The following MYBPC3 variants were observed in gnomAD, a reference collection of about 807,000 sequenced individuals.
MYBPC3 encodes the protein myosin binding protein C3, also known as myosin-binding protein C, cardiac-type.
MYBPC3 carries 108 observed loss-of-function variants against 159.3 expected under a neutral mutation model. The ratio of observed to expected loss-of-function variants is 0.68; its 90% CI spans 0.58 to 0.80. The LOEUF is 0.80. Among genes scored for constraint, MYBPC3 ranks in the 30% least tolerant of loss-of-function variants. The probability of loss-of-function intolerance (pLI) is 0.00; values close to 1 mark genes in which losing one functional copy is unlikely to be tolerated. For synonymous variants in MYBPC3, 730 were observed against 702.0 expected (o/e 1.04, Z -0.63); for missense variants, 1,631 against 1,762.1 (o/e 0.93, Z 1.33).
rs540988604 is a variant in MYBPC3, at chr11:47,337,492, C to A, written c.2501G>T (p.Arg834Leu). The A allele has an allele frequency of 6.2e-7, 1 of 1,614,012 alleles. No homozygotes were observed. The highest frequency in any genetic ancestry group is 1.1e-5 in the South Asian group (1 of 91,088). Residue 834 changes from arginine to leucine, a missense_variant, in exon 25 of 35, where the codon CGG becomes CTG. Physicochemically the swap from Arg to Leu is moderately radical, Grantham distance 102. Coordinates refer to ENST00000545968, the MANE Select transcript of MYBPC3 (RefSeq NM_000256.3). The stretch of plus-strand genomic sequence containing the variant: ...GTACACCACGCCCTCGATCATGCGC[C>A]GCGCTTCATGACTCAGCTCCTGAAT... ...DLIQELSHEA[R>L]RMIEGVVYEM...
At position 47,347,904 on chromosome 11, in the gene MYBPC3, C is replaced by T. The variant is rs1269188508; in HGVS notation, c.774G>A (p.Glu258=). The change falls in exon 7 of 35, where the codon GAG becomes GAA. Residue 258 remains glutamate, a splice_region_variant and synonymous_variant. Transcript: ENST00000545968. ...DCSNFNLTVH[E]AMGTGDLDLL... Reference sequence around the variant, plus strand: ...GGTCCAGGTCTCCGGTGCCCATGGCCTCTGGGTTCAAAGGGTGGAGAGATG... The same window carrying T: ...GGTCCAGGTCTCCGGTGCCCATGGCTTCTGGGTTCAAAGGGTGGAGAGATG... 3 of 1,573,176 alleles carry T rather than the reference C, an allele frequency of 1.9e-6. No homozygotes were observed. The highest frequency in any genetic ancestry group is 1.4e-5 in the African/African-American group (1 of 73,898).
At chr11:47,344,845 C>T (rs2095892598) in intron 12 of MYBPC3, among the ~76,000 whole-genome samples, 1 of 152,224 alleles carries the variant, frequency 6.6e-6, no homozygotes, top group Non-Finnish European at 1.5e-5. Context: ...GGTTGGAGTG[C>T]AATGGCACAA....
Position 47,346,655 on chromosome 11 carries a change from G to A in MYBPC3, c.909-11C>T. 1 of 1,598,446 alleles carries A rather than the reference G, an allele frequency of 6.3e-7. No homozygotes were observed. The highest frequency in any genetic ancestry group is 1.1e-5 in the South Asian group (1 of 89,016). Reference sequence around the variant, plus strand: ...GGGGTCCGGAAACTGCTGCTCCAGGGGTGGGGGTGGGAGAAAGGGTAGGTG... The same window carrying A: ...GGGGTCCGGAAACTGCTGCTCCAGGAGTGGGGGTGGGAGAAAGGGTAGGTG... On this transcript the variant is annotated splice_polypyrimidine_tract_variant and intron_variant, in intron 10 of 34. Coordinates refer to ENST00000545968, the MANE Select transcript of MYBPC3 (RefSeq NM_000256.3). The surrounding 1 kb of genome is among the most constrained non-coding windows in gnomAD (Gnocchi z 5.3).
At chr11:47,347,179 A>T in intron 9 of MYBPC3, 150 bp from the exon 10 acceptor site, 1 of 1,451,398 alleles carries the variant, frequency 6.9e-7, no homozygotes. Context: ...GAGTTTACGG[A>T]GGGAGCTTTT....
At chr11:47,347,746 G>A (rs1459322945) in intron 7 of MYBPC3, 66 bp from the exon 8 acceptor site, 2 of 1,548,932 alleles carry the variant, frequency 1.3e-6, no homozygotes, top group African/African-American at 2.7e-5. Context: ...AGCCCCCACT[G>A]ACTTCAGCTC....
rs730880611 is a variant in MYBPC3 at position 47,350,570 on chromosome 11, G to A, written c.338C>T (p.Ala113Val). Residue 113 changes from alanine to valine, a missense_variant, in exon 3 of 35, where the codon GCC (alanine) becomes GTC (valine). Physicochemically the swap from Ala to Val is moderately conservative, Grantham distance 64 (BLOSUM62 0). Coordinates refer to ENST00000545968, the MANE Select transcript of MYBPC3 (RefSeq NM_000256.3). ...MLAPAPAPAEATGAPGEAPAP... is the reference protein window; with the variant it reads ...MLAPAPAPAEVTGAPGEAPAP... The stretch of plus-strand genomic sequence containing the variant: ...CGGGGCTTCTCCAGGGGCTCCAGTG[G>A]CCTCAGCAGGGGCAGGGGCAGGGGC... 6.5e-7 allele frequency: 1 copy of A among 1,538,874 alleles called. No individual in the cohort carries two copies. The highest frequency in any genetic ancestry group is 1.4e-5 in the African/African-American group (1 of 71,214).
intron 14 of MYBPC3, 57 bp downstream of exon 14, chr11:47,343,203 T>C (rs2095890899): frequency 6.3e-7 from 1 of 1,589,612 alleles, no homozygotes; most frequent in South Asian, 1.1e-5. Flanking sequence ...CCGGGCCCAG[T>C]GCGCCCCATG....
At chr11:47,350,281 C>T (rs1170187735) in intron 3 of MYBPC3, among the ~76,000 whole-genome samples, 169 bp from the exon 4 acceptor site, 4 of 106,746 alleles carry the variant, frequency 3.7e-5, no homozygotes, top group Non-Finnish European at 7.4e-5. Context: ...CCCGCCACCA[C>T]GCCCGGCTAA....
In MYBPC3 at chr11:47,341,160, C is replaced by A; in HGVS notation, c.1875G>T (p.Leu625=). The change falls in exon 19 of 35, where the codon CTG becomes CTT. Residue 625 remains leucine, a synonymous_variant. Coordinates refer to ENST00000545968, the MANE Select transcript of MYBPC3 (RefSeq NM_000256.3). ...CACCCATGAAGTGGAGCTTGGCTGA[C>A]AGGTTGCAGGCGAAGCCCTCGGGCA... is the stretch of plus-strand genomic sequence containing the variant. ...SFVPEGFACN[L]SAKLHFMEVK... is the part of the protein sequence containing the mutation. 5.0e-6 allele frequency: 8 copies of A among 1,595,428 alleles called. No individual in the cohort carries two copies. Among genetic ancestry groups the A allele is most frequent in the Non-Finnish European group, 6.8e-6 (8 of 1,170,990 alleles).
Position 47,342,121 on chromosome 11 carries a change from G to T in MYBPC3, c.1660C>A (p.Leu554Met), listed in dbSNP as rs1301254353. The change falls in exon 18 of 35, where the codon CTG (leucine) becomes ATG (methionine). Residue 554 changes from leucine (L) to methionine (M), a missense_variant. Physicochemically the swap from Leu to Met is conservative, Grantham distance 15. Transcript: ENST00000545968. ...GCCTGGTCCTTTGCGCCCACCATCA[G>T]GTCTGCGATGCTCTGGTACACCTCC... ...KLEVYQSIAD[L>M]MVGAKDQAVF... 6.2e-7 allele frequency: 1 copy of T among 1,613,912 alleles called. No homozygotes were observed. Among genetic ancestry groups the T allele is most frequent in the South Asian group, 1.1e-5 (1 of 91,082 alleles).
chr11:47,349,823 T>C lies in MYBPC3; in HGVS notation c.605A>G (p.Lys202Arg), dbSNP rs1424994639. 6.2e-7 allele frequency: 1 copy of C among 1,611,396 alleles called. No individual in the cohort carries two copies. The highest frequency in any genetic ancestry group is 1.7e-5 in the Admixed American group (1 of 59,946). ...FKGKWVDLSS[K>R]VGQHLQLHDS... The stretch of plus-strand genomic sequence containing the variant: ...GTGCAGCTGCAGGTGCTGGCCCACC[T>C]TGCTGCTCAGGTCCACCCATTTGCC... Residue 202 changes from lysine to arginine, a missense_variant, in exon 5 of 35, where the codon AAG becomes AGG. Lys to Arg is a conservative substitution (Grantham distance 26). Coordinates refer to ENST00000545968, the MANE Select transcript of MYBPC3 (RefSeq NM_000256.3).
chr11:47,333,386 G>A, intron 29 of MYBPC3, 53 bp from the exon 30 acceptor site: 14 of 1,511,428 alleles, frequency 9.3e-6, no homozygotes, highest in Admixed American at 2.1e-5. Flanking sequence ...GTGAGCAGGG[G>A]GTCACTGGCT....
rs571519220 is a variant in MYBPC3 at position 47,340,402 on chromosome 11, C to T, written c.1927+601G>A. Reference sequence around the variant, plus strand: ...AAAGCAGTCTGGACGCAGTGGCTCACGCCTGTAATCCCAGCACTTTGGGAG... The same window carrying T: ...AAAGCAGTCTGGACGCAGTGGCTCATGCCTGTAATCCCAGCACTTTGGGAG... On this transcript the variant is annotated intron_variant, in intron 20 of 34. Coordinates refer to ENST00000545968, the MANE Select transcript of MYBPC3 (RefSeq NM_000256.3). Among the ~76,000 whole-genome samples the T allele has an allele frequency of 1.6e-4, 24 of 152,366 alleles. No homozygotes were observed. Among genetic ancestry groups the T allele is most frequent in the East Asian group, 1.2e-3 (6 of 5,190 alleles).
At chr11:47,347,336 T>A in intron 9 of MYBPC3, 90 bp downstream of exon 9, 1 of 1,549,754 alleles carries the variant, frequency 6.5e-7, no homozygotes, top group South Asian at 1.2e-5. Flanking sequence ...TGCAGTGTTG[T>A]GCTCAGGGTC....
At position 47,338,499 on chromosome 11, in the gene MYBPC3, T is replaced by C; in HGVS notation, c.2308+21A>G. 6.2e-7 allele frequency: 1 copy of C among 1,613,906 alleles called. No individual in the cohort carries two copies. The highest frequency in any genetic ancestry group is 8.5e-7 in the Non-Finnish European group (1 of 1,179,840). ...GGGCTGCCCCTCTGTGTTCTCCAGC[T>C]TGGACCCCGGCCGGCCTCACCGATG... On this transcript the variant is annotated intron_variant, in intron 23 of 34. Coordinates refer to ENST00000545968, the MANE Select transcript of MYBPC3 (RefSeq NM_000256.3). The surrounding 1 kb of genome is among the most constrained non-coding windows in gnomAD (Gnocchi z 4.7).
intron 30 of MYBPC3, 25 bp downstream of exon 30, chr11:47,333,169 T>TG (rs761850089): frequency 1.9e-6 from 3 of 1,596,586 alleles, no homozygotes; most frequent in Non-Finnish European, 2.6e-6. Context: ...AGGGTGCACG[T>TG]GGGGACCCCA....
In MYBPC3 at chr11:47,332,670, G is replaced by A; in HGVS notation, c.3523C>T (p.Leu1175=). 6.2e-7 allele frequency: 1 copy of A among 1,612,946 alleles called. No individual in the cohort carries two copies. Among genetic ancestry groups the A allele is most frequent in the South Asian group, 1.1e-5 (1 of 90,934 alleles). The change falls in exon 32 of 35, where the codon CTG becomes TTG. Residue 1175 remains leucine (L), a synonymous_variant. Coordinates refer to ENST00000545968, the MANE Select transcript of MYBPC3 (RefSeq NM_000256.3). This position sits in a 1 kb window ranked among gnomAD's most constrained non-coding sequence, Gnocchi z 4.2. ...ITYEPPNYKA[L]DFSEAPSFTQ... Reference sequence around the variant, plus strand: ...AAGCTTGGGGCCTCGGAGAAGTCCAGGGCCTTATAGTTGGGTGGCTCATAG... The same window carrying A: ...AAGCTTGGGGCCTCGGAGAAGTCCAAGGCCTTATAGTTGGGTGGCTCATAG...
In MYBPC3 at chr11:47,342,888, C is replaced by A; in HGVS notation, c.1399G>T (p.Val467Leu). ...CACTCAAACTCCACCCGCTGCCCCA[C>A]CATCACCAGCTGGTCCTCCAAGGGG... is the stretch of plus-strand genomic sequence containing the variant. ...TRPLEDQLVM[V>L]GQRVEFECEV... Residue 467 changes from valine to leucine, a missense_variant, in exon 16 of 35, where the codon GTG (valine) becomes TTG (leucine). Coordinates refer to ENST00000545968, the MANE Select transcript of MYBPC3 (RefSeq NM_000256.3). The A allele has an allele frequency of 6.2e-7, 1 of 1,612,890 alleles. No homozygotes were observed. The highest frequency in any genetic ancestry group is 1.1e-5 in the South Asian group (1 of 90,872).
Position 47,333,726 on chromosome 11 carries a change from C to G in MYBPC3, c.3021G>C (p.Trp1007Cys). ...CTGCCAGGGGCTGCCCCTCTTTGGTCCAGGTCACCTGAGGCCGGGGCTTGC... is the reference window on the plus strand; with the variant it reads ...CTGCCAGGGGCTGCCCCTCTTTGGTGCAGGTCACCTGAGGCCGGGGCTTGC... ...FQGKPRPQVT[W>C]TKEGQPLAGE... The change falls in exon 29 of 35, where the codon TGG becomes TGC. Residue 1007 changes from tryptophan (W) to cysteine (C), a missense_variant. By Grantham distance (215) the Trp-to-Cys change is radical. Coordinates refer to ENST00000545968, the MANE Select transcript of MYBPC3 (RefSeq NM_000256.3). 1 of 1,606,062 alleles carries G rather than the reference C, an allele frequency of 6.2e-7. No individual in the cohort carries two copies. The highest frequency in any genetic ancestry group is 8.5e-7 in the Non-Finnish European group (1 of 1,176,646).
Sources: gnomAD v4.1 joint callset for allele counts (sites outside exome capture counted in the v4.1 genomes callset) on GRCh38, gnomAD v4.1.1 for gene constraint, Gnocchi (gnomAD v3.1) non-coding constraint, MANE v1.5 for transcripts, NCBI Gene and HGNC (gene_info 2026-07-23, HGNC 2026-07-21) for gene names.